The following RANBP3 variants were observed in gnomAD, a reference collection of about 807,000 sequenced individuals.
The protein encoded by RANBP3 is ran-binding protein 3.
A neutral mutation model predicts 77.3 loss-of-function variants in RANBP3; 14 were observed. The ratio of observed to expected loss-of-function variants is 0.18; its 90% CI spans 0.12 to 0.28. The LOEUF (loss-of-function observed/expected upper bound fraction) is 0.28, where lower values mean the gene tolerates loss of function less well. RANBP3 is among the 10% of genes least tolerant of loss of function. The probability of loss-of-function intolerance (pLI) is 1.00; values close to 1 mark genes in which losing one functional copy is unlikely to be tolerated. For missense variants in RANBP3, 586 were observed against 752.3 expected, an observed-to-expected ratio of 0.78 and a Z score of 2.59; for synonymous variants, 315 against 312.4, an observed-to-expected ratio of 1.01 and a Z score of -0.09.
chr19:5,939,520 A>C (rs1384149633), intron 5 of RANBP3, among the ~76,000 whole-genome samples: 4 of 152,272 alleles, frequency 2.6e-5, no homozygotes, highest in African/African-American at 9.6e-5. Context: ...CTTGGCTCTG[A>C]GTCGGAATTG....
chr19:5,923,299 G>C lies in RANBP3; in HGVS notation c.1104C>G (p.Ser368=), dbSNP rs1214154733. The C allele has an allele frequency of 6.2e-7, 1 of 1,614,088 alleles. No homozygotes were observed. ...SSQEATPEKE[S]LAESAAAYTK... is the part of the protein sequence containing the mutation. ...TGTAGGCGGCTGCCGACTCAGCCAG[G>C]GACTCTGAAAAGTTATTGGCCAAAA... Residue 368 remains serine, a synonymous_variant, in exon 13 of 17, where the codon TCC becomes TCG. Transcript: ENST00000340578.
At chr19:5,920,665 A>G (rs1030011184) in intron 14 of RANBP3, among the ~76,000 whole-genome samples, 2 of 152,126 alleles carry the variant, frequency 1.3e-5, no homozygotes, top group South Asian at 4.1e-4. Context: ...CTCCTGCCTC[A>G]GCCTCCCGAG....
chr19:5,972,315 T>C (rs2058539903), intron 1 of RANBP3, among the ~76,000 whole-genome samples: 2 of 152,232 alleles, frequency 1.3e-5, no homozygotes, highest in Admixed American at 6.5e-5. Flanking sequence ...TAGCTAGTGC[T>C]GTGTGGCAGC....
chr19:5,947,676 C>T (rs1041241637), intron 3 of RANBP3, among the ~76,000 whole-genome samples: 5 of 152,220 alleles, frequency 3.3e-5, no homozygotes, highest in African/African-American at 9.6e-5. Context: ...GCAGCCCTCC[C>T]GCGGCTTGGG....
chr19:5,953,285 A>G (rs1046785312), intron 2 of RANBP3, among the ~76,000 whole-genome samples: 11 of 152,192 alleles, frequency 7.2e-5, no homozygotes, highest in Non-Finnish European at 7.3e-5. Flanking sequence ...CGTAAGCTCT[A>G]AAGAACTAAG....
In RANBP3 at chr19:5,925,680, C is replaced by G. The variant is rs1374668023; in HGVS notation, c.871G>C (p.Asp291His). Residue 291 changes from aspartate (D) to histidine (H), a missense_variant, in exon 10 of 17, where the codon GAC becomes CAC. Around this residue, in one of 5 missense-constraint regions of RANBP3, gnomAD observed 232 missense variants for 271.7 expected, o/e 0.85. Coordinates refer to ENST00000340578, the MANE Select transcript of RANBP3 (RefSeq NM_007322.3). Reference sequence around the variant, plus strand: ...AAATAGTTCGTTGCGGTTGGCGTGTCTGCGCTGGGGTGTCCAGCATTCTCC... The same window carrying G: ...AAATAGTTCGTTGCGGTTGGCGTGTGTGCGCTGGGGTGTCCAGCATTCTCC... ...DMENAGHPSA[D>H]TPTATNYFLQ... 6.2e-7 allele frequency: 1 copy of G among 1,614,044 alleles called. No homozygotes were observed. Among genetic ancestry groups the G allele is most frequent in the Admixed American group, 1.7e-5 (1 of 60,014 alleles).
intron 1 of RANBP3, 134 bp downstream of exon 1, chr19:5,977,927 G>C (rs1599818314): frequency 2.5e-6 from 3 of 1,188,970 alleles, no homozygotes; most frequent in East Asian, 6.2e-5. Context: ...CGGCTGCAAG[G>C]CCCGCCACGG....
At chr19:5,928,718 T>C (rs148845417) in intron 8 of RANBP3, among the ~76,000 whole-genome samples, 1 of 152,212 alleles carries the variant, frequency 6.6e-6, no homozygotes, top group Non-Finnish European at 1.5e-5. Context: ...CTCCTGCTTG[T>C]TACTTTCTAG....
At chr19:5,960,748 G>T (rs1363478483) in intron 1 of RANBP3, among the ~76,000 whole-genome samples, 1 of 152,222 alleles carries the variant, frequency 6.6e-6, no homozygotes, top group East Asian at 1.9e-4. Context: ...GTGCACGGAA[G>T]GGACTGCAGC....
At position 5,919,370 on chromosome 19, in the gene RANBP3, C is replaced by T. The variant is rs150149788; in HGVS notation, c.1331-732G>A. ...GCCTGGAGACGGTCAGAAACTTGTC[C>T]CCCTGCCCTGGCCCAGCGAACAGAC... On this transcript the variant is annotated intron_variant, in intron 14 of 16. Transcript: ENST00000340578. Among the ~76,000 whole-genome samples the T allele has an allele frequency of 6.6e-5, 10 of 152,266 alleles. No individual in the cohort carries two copies. The East Asian group carries it at 1.9e-3, about 29-fold the overall frequency.
At chr19:5,942,592 G>C (rs2058151906) in intron 3 of RANBP3, among the ~76,000 whole-genome samples, 1 of 151,274 alleles carries the variant, frequency 6.6e-6, no homozygotes, top group Non-Finnish European at 1.5e-5. Flanking sequence ...TGTAATCTCA[G>C]CTACAGGCTG....
At chr19:5,974,950 G>A (rs1386776621) in intron 1 of RANBP3, among the ~76,000 whole-genome samples, 1 of 152,236 alleles carries the variant, frequency 6.6e-6, no homozygotes, top group Non-Finnish European at 1.5e-5. Flanking sequence ...AATGGATGGA[G>A]GAGGGACTGG....
At chr19:5,929,056 C>T (rs1175944345) in intron 8 of RANBP3, among the ~76,000 whole-genome samples, 2 of 152,196 alleles carry the variant, frequency 1.3e-5, no homozygotes, top group Non-Finnish European at 2.9e-5. Flanking sequence ...TTCTGACTGG[C>T]TCAGCGTGTC....
chr19:5,970,814 G>A (rs1004442934), intron 1 of RANBP3, among the ~76,000 whole-genome samples: 3 of 152,144 alleles, frequency 2.0e-5, no homozygotes, highest in African/African-American at 7.2e-5. Flanking sequence ...TCAGACTTGC[G>A]TATCATCGTT....
At position 5,958,795 on chromosome 19, in the gene RANBP3, T is replaced by C. The variant is rs2058365849; in HGVS notation, c.23-822A>G. On this transcript the variant is annotated intron_variant, in intron 1 of 16. Transcript: ENST00000340578. The surrounding 1 kb of genome is among the most constrained non-coding windows in gnomAD (Gnocchi z 4.4). ...TGGGCCTGCATGCACTTTGATGAAC[T>C]CTGGGGGTGCTCCCAGGGCCTCTTT... Among the ~76,000 whole-genome samples the C allele has an allele frequency of 6.6e-6, 1 of 152,228 alleles. No individual in the cohort carries two copies. Among genetic ancestry groups the C allele is most frequent in the East Asian group, 1.9e-4 (1 of 5,192 alleles).
intron 3 of RANBP3, among the ~76,000 whole-genome samples, chr19:5,950,373 T>C (rs59174308): frequency 0.13 from 19,762 of 152,194 alleles, 1,677 homozygotes; most frequent in African/African-American, 0.24. Context: ...GACTGTTGCT[T>C]CTTTTTCCAT....
At chr19:5,929,586 T>G (rs937875261) in intron 8 of RANBP3, among the ~76,000 whole-genome samples, 1 of 152,188 alleles carries the variant, frequency 6.6e-6, no homozygotes, top group African/African-American at 2.4e-5. Context: ...TGTGTGTGTG[T>G]GGGGCGGGAG....
chr19:5,958,968 G>A lies in RANBP3; in HGVS notation c.23-995C>T, dbSNP rs1158051338. Among the ~76,000 whole-genome samples the A allele has an allele frequency of 6.6e-6, 1 of 152,218 alleles. No individual in the cohort carries two copies. The highest frequency in any genetic ancestry group is 1.5e-5 in the Non-Finnish European group (1 of 68,042). ...AGAGCCCTGCCTTCGCAGGCCCCCC[G>A]ACCCCGGTCGTGGGGAGCCAGGCAT... On this transcript the variant is annotated intron_variant, in intron 1 of 16. Transcript: ENST00000340578. This position sits in a 1 kb window ranked among gnomAD's most constrained non-coding sequence, Gnocchi z 4.4.
intron 1 of RANBP3, among the ~76,000 whole-genome samples, chr19:5,962,034 T>C (rs1053195125): frequency 6.6e-6 from 1 of 152,018 alleles, no homozygotes; most frequent in Non-Finnish European, 1.5e-5. Flanking sequence ...CCTGCCCTGC[T>C]GCACTCCCTC....
Sources: gnomAD v4.1 joint callset for allele counts (sites outside exome capture counted in the v4.1 genomes callset) on GRCh38, gnomAD v4.1.1 for gene constraint, gnomAD v4.1.1 regional missense constraint, Gnocchi (gnomAD v3.1) non-coding constraint, MANE v1.5 for transcripts, NCBI Gene and HGNC (gene_info 2026-07-23, HGNC 2026-07-21) for gene names.